Variants in CNTNAP2 observed in about 807,000 individuals in gnomAD.
The protein encoded by CNTNAP2 is contactin associated protein 2, also known as contactin-associated protein-like 2.
In CNTNAP2, 98 loss-of-function variants were observed where a neutral mutation model predicts 155.2. The observed-to-expected ratio is 0.63, with a 90% CI of 0.54 to 0.75. The LOEUF is 0.75. Among genes scored for constraint, CNTNAP2 ranks in the 30% least tolerant of loss-of-function variants. CNTNAP2 has a pLI of 0.00. For synonymous variants in CNTNAP2, 651 were observed against 631.2 expected, an observed-to-expected ratio of 1.03 and a Z score of -0.47; for missense variants, 1,727 against 1,688.1, an observed-to-expected ratio of 1.02 and a Z score of -0.40.
intron 16 of CNTNAP2, among the ~76,000 whole-genome samples, chr7:148,122,633 A>G (rs1804623866): frequency 6.6e-6 from 1 of 152,126 alleles, no homozygotes; most frequent in Non-Finnish European, 1.5e-5. Context: ...CCTGAAGGCT[A>G]TGGAGAGCCA....
chr7:147,188,247 G>A (rs111473807), intron 8 of CNTNAP2, among the ~76,000 whole-genome samples: 286 of 152,308 alleles, frequency 1.9e-3, no homozygotes, highest in Middle Eastern at 0.014. Flanking sequence ...TTGCAGATGT[G>A]TGTGGGCAGG....
At chr7:148,034,852 G>A (rs1802543891) in intron 15 of CNTNAP2, among the ~76,000 whole-genome samples, 1 of 152,184 alleles carries the variant, frequency 6.6e-6, no homozygotes, top group Non-Finnish European at 1.5e-5. Context: ...CAGAATGTTG[G>A]TAGAAATATG....
At chr7:146,299,306 A>T (rs960537963) in intron 1 of CNTNAP2, among the ~76,000 whole-genome samples, 5 of 152,092 alleles carry the variant, frequency 3.3e-5, no homozygotes, top group Non-Finnish European at 7.4e-5. Context: ...GAAATAATAC[A>T]CACAGTGTTC....
intron 13 of CNTNAP2, among the ~76,000 whole-genome samples, chr7:147,684,133 T>A (rs1795987599): frequency 6.6e-6 from 1 of 151,806 alleles, no homozygotes; most frequent in Admixed American, 6.6e-5. Context: ...AAAGAGAACA[T>A]GACAGATACA....
chr7:146,748,232 G>T (rs1413238280), intron 1 of CNTNAP2, among the ~76,000 whole-genome samples: 1 of 141,176 alleles, frequency 7.1e-6, no homozygotes, highest in East Asian at 2.2e-4. Context: ...TGCAAGCTCT[G>T]CTTCCCGGGT....
At position 146,164,793 on chromosome 7, in the gene CNTNAP2, G is replaced by A. The variant is rs181683331; in HGVS notation, c.97+47820G>A. Among the ~76,000 whole-genome samples the A allele has an allele frequency of 1.6e-3, 240 of 149,296 alleles. 1 individual carries two copies. The highest frequency in any genetic ancestry group is 5.4e-3 in the African/African-American group (224 of 41,374). ...GTCATACATTTTAAACGCATCTTCC[G>A]TTTCTCTATGTTTCATAAAAAGACA... is the stretch of plus-strand genomic sequence containing the variant. On this transcript the variant is annotated intron_variant, in intron 1 of 23. Transcript: ENST00000361727.
chr7:147,617,296 A>C (rs920446739), intron 12 of CNTNAP2, among the ~76,000 whole-genome samples: 4 of 152,120 alleles, frequency 2.6e-5, no homozygotes, highest in Non-Finnish European at 5.9e-5. Flanking sequence ...TCTATTTTGT[A>C]GTCTTAAGCT....
At chr7:147,361,986 T>A (rs991391349) in intron 9 of CNTNAP2, among the ~76,000 whole-genome samples, 4 of 152,154 alleles carry the variant, frequency 2.6e-5, no homozygotes, top group African/African-American at 9.6e-5. Context: ...ACACTGAGAC[T>A]GGGAAAGGTG....
At chr7:147,752,300 G>A (rs747321231) in intron 13 of CNTNAP2, among the ~76,000 whole-genome samples, 1 of 138,670 alleles carries the variant, frequency 7.2e-6, no homozygotes, top group Non-Finnish European at 1.5e-5. Flanking sequence ...TTTCTGAAGG[G>A]TAACCTTCAA....
intron 1 of CNTNAP2, among the ~76,000 whole-genome samples, chr7:146,691,043 C>A (rs1800689934): frequency 1.3e-5 from 2 of 152,138 alleles, no homozygotes; most frequent in Admixed American, 1.3e-4. Flanking sequence ...GTCTTGGAAT[C>A]TTCTCCAAAT....
chr7:147,536,485 A>AG (rs1202933445), intron 11 of CNTNAP2, among the ~76,000 whole-genome samples: 2 of 152,226 alleles, frequency 1.3e-5, no homozygotes, highest in African/African-American at 4.8e-5. Flanking sequence ...GGGACACCAA[A>AG]GGGACAGAGA....
chr7:147,365,332 G>A (rs974529653), intron 9 of CNTNAP2, among the ~76,000 whole-genome samples: 7 of 139,654 alleles, frequency 5.0e-5, no homozygotes, highest in African/African-American at 1.9e-4. Flanking sequence ...ACGAGACCAG[G>A]CCATTGCACT....
chr7:146,926,354 T>C (rs1336212624), intron 3 of CNTNAP2, among the ~76,000 whole-genome samples: 1 of 152,142 alleles, frequency 6.6e-6, no homozygotes, highest in Non-Finnish European at 1.5e-5. Context: ...AGTCTGTTTT[T>C]AGCTGTCAGT....
intron 8 of CNTNAP2, among the ~76,000 whole-genome samples, chr7:147,282,965 T>G (rs566094268): frequency 6.6e-6 from 1 of 152,026 alleles, no homozygotes; most frequent in South Asian, 2.1e-4. Context: ...CTTAAAAGTG[T>G]CCTGAAGTCA....
chr7:148,260,057 C>CTT, intron 20 of CNTNAP2, among the ~76,000 whole-genome samples: 1 of 152,316 alleles, frequency 6.6e-6, no homozygotes, highest in Non-Finnish European at 1.5e-5. Flanking sequence ...AATTATTACA[C>CTT]TTAACCGTGG....
chr7:146,841,913 GC>G (rs1261929749), intron 3 of CNTNAP2, among the ~76,000 whole-genome samples: 1 of 146,186 alleles, frequency 6.8e-6, no homozygotes, highest in Non-Finnish European at 1.5e-5. Context: ...ACGGAATTTT[GC>G]TCTTGTTGCC....
chr7:147,234,855 C>T (rs181787215), intron 8 of CNTNAP2, among the ~76,000 whole-genome samples: 406 of 152,264 alleles, frequency 2.7e-3, no homozygotes, highest in African/African-American at 9.1e-3. Flanking sequence ...AGGAATATCA[C>T]AGGAGTGATC....
At chr7:147,924,267 T>G (rs976500338) in intron 14 of CNTNAP2, among the ~76,000 whole-genome samples, 1 of 151,180 alleles carries the variant, frequency 6.6e-6, no homozygotes, top group African/African-American at 2.4e-5. Context: ...GCCTCCCGAG[T>G]AGCTGGGATT....
chr7:147,914,339 G>A (rs892178300), intron 14 of CNTNAP2, among the ~76,000 whole-genome samples: 1 of 152,042 alleles, frequency 6.6e-6, no homozygotes, highest in African/African-American at 2.4e-5. Context: ...TCAGGGGTTT[G>A]AGACTAGCCT....
Sources: allele counts gnomAD v4.1 joint callset (sites outside exome capture counted in the v4.1 genomes callset), GRCh38; gene constraint gnomAD v4.1.1; transcripts MANE v1.5; gene names NCBI Gene and HGNC (gene_info 2026-07-23, HGNC 2026-07-21).